Variants in AKAP7 observed in about 807,000 individuals in gnomAD.
AKAP7 encodes A kinase (PRKA) anchor protein 7.
Under a neutral mutation model 39.5 loss-of-function variants are expected in AKAP7, and 39 were observed. That is an observed-to-expected ratio of 0.99 (90% confidence interval 0.76 to 1.29). AKAP7 has a LOEUF of 1.29. AKAP7 is among the 50% of genes most tolerant of loss of function. The pLI, the probability that AKAP7 is intolerant of heterozygous loss-of-function variation, is 0.00. For missense variants in AKAP7, 414 were observed against 407.7 expected (o/e 1.02, Z -0.13); for synonymous variants, 140 against 139.1 (o/e 1.01, Z -0.05).
intron 1 of AKAP7, among the ~76,000 whole-genome samples, chr6:131,136,178 A>G (rs535605321): frequency 3.9e-5 from 6 of 152,300 alleles, no homozygotes; most frequent in African/African-American, 1.4e-4. Context: ...TATATCACAA[A>G]TATTAAGCAC....
At position 131,281,856 on chromosome 6, in the gene AKAP7, C is replaced by T; in HGVS notation, c.*130C>T. On this transcript the variant is annotated 3_prime_UTR_variant, in exon 8 of 8. Coordinates refer to ENST00000431975, the MANE Select transcript of AKAP7 (RefSeq NM_016377.4). This position sits in a 1 kb window ranked among gnomAD's most constrained non-coding sequence, Gnocchi z 4.0. ...TGCAATCTGTGAAGATTGCCTAATA[C>T]TTTTCATGATCGATGTGTTCGCATT... The T allele has an allele frequency of 1.5e-6, 2 of 1,300,756 alleles. No individual in the cohort carries two copies. The highest frequency in any genetic ancestry group is 5.7e-5 in the South Asian group (2 of 35,034). The allele number at this position is 1,300,756 out of a possible 1,614,324, so 80.6% of individuals were successfully genotyped here.
chr6:131,193,364 T>G (rs957005143), intron 5 of AKAP7, among the ~76,000 whole-genome samples: 1 of 152,218 alleles, frequency 6.6e-6, no homozygotes, highest in East Asian at 1.9e-4. Flanking sequence ...TCTGTTGATA[T>G]GATGTATCAC....
intron 1 of AKAP7, among the ~76,000 whole-genome samples, chr6:131,142,816 T>G (rs1300416857): frequency 6.6e-6 from 1 of 152,240 alleles, no homozygotes; most frequent in Non-Finnish European, 1.5e-5. Flanking sequence ...CCACAGGGGC[T>G]TCACCTTGCA....
intron 2 of AKAP7, among the ~76,000 whole-genome samples, chr6:131,156,794 A>C (rs1357843141): frequency 2.0e-5 from 3 of 148,764 alleles, no homozygotes; most frequent in Non-Finnish European, 3.0e-5. Context: ...TTTTTTTGAG[A>C]TGGAGTCTCA....
Position 131,282,733 on chromosome 6 carries a change from TA to T in AKAP7, c.*1008del. The T allele has an allele frequency of 1.5e-6, 1 of 682,466 alleles. No homozygotes were observed. Among genetic ancestry groups the T allele is most frequent in the Non-Finnish European group, 2.2e-6 (1 of 455,090 alleles). The allele number at this position is 682,466 out of a possible 1,614,324, so 42.3% of individuals were successfully genotyped here. A position where few individuals can be genotyped will look rare whatever the true frequency, so the allele number is the denominator to read the frequency against. ...AGCAAACCAACATTTGGTGAGGAAT[TA>T]GCAATTTCTTGCCAAAGAAAATTGA... On this transcript the variant is annotated 3_prime_UTR_variant, in exon 8 of 8. Coordinates refer to ENST00000431975, the MANE Select transcript of AKAP7 (RefSeq NM_016377.4).
At chr6:131,177,448 C>G (rs1166665228) in intron 5 of AKAP7, among the ~76,000 whole-genome samples, 1 of 152,078 alleles carries the variant, frequency 6.6e-6, no homozygotes, top group African/African-American at 2.4e-5. Flanking sequence ...TCTAGGAAGC[C>G]TAATTCACTT....
chr6:131,154,649 A>G (rs1484305962), intron 2 of AKAP7, among the ~76,000 whole-genome samples: 1 of 152,126 alleles, frequency 6.6e-6, no homozygotes, highest in Non-Finnish European at 1.5e-5. Flanking sequence ...AAAGGTAAAG[A>G]ATCTTTAAGA....
At chr6:131,175,054 A>G (rs1326757853) in intron 5 of AKAP7, among the ~76,000 whole-genome samples, 1 of 152,244 alleles carries the variant, frequency 6.6e-6, no homozygotes, top group Non-Finnish European at 1.5e-5. Context: ...TTATTAATAT[A>G]TACTATATTC....
At chr6:131,160,293 A>G (rs1025600773) in intron 3 of AKAP7, 95 bp downstream of exon 3, 2 of 1,321,968 alleles carry the variant, frequency 1.5e-6, no homozygotes, top group African/African-American at 3.0e-5. Flanking sequence ...TTAGCTTTTA[A>G]GAGTATTTGG....
intron 1 of AKAP7, among the ~76,000 whole-genome samples, chr6:131,141,148 CA>C (rs1800993130): frequency 6.6e-6 from 1 of 152,140 alleles, no homozygotes; most frequent in South Asian, 2.1e-4. Context: ...TTTGTCCCTT[CA>C]AATCTCATGC....
At chr6:131,171,679 G>A (rs971987419) in intron 5 of AKAP7, among the ~76,000 whole-genome samples, 20 of 152,332 alleles carry the variant, frequency 1.3e-4, no homozygotes, top group African/African-American at 4.8e-4. Context: ...TTTGGGATGA[G>A]TGCAGAAATT....
intron 7 of AKAP7, among the ~76,000 whole-genome samples, chr6:131,276,134 C>T (rs1814721496): frequency 1.3e-5 from 2 of 152,208 alleles, no homozygotes; most frequent in African/African-American, 4.8e-5. Flanking sequence ...ACATCATTTT[C>T]CTATTTATTC....
chr6:131,193,504 G>A (rs1427486331), intron 5 of AKAP7, among the ~76,000 whole-genome samples: 1 of 151,956 alleles, frequency 6.6e-6, no homozygotes, highest in Non-Finnish European at 1.5e-5. Context: ...CATAGATATT[G>A]GCCTGTAGTT....
chr6:131,173,126 G>A (rs113689535), intron 5 of AKAP7, among the ~76,000 whole-genome samples: 3,543 of 151,314 alleles, frequency 0.023, 131 homozygotes, highest in African/African-American at 0.079. Context: ...ACTTGAACCC[G>A]GGAGGCGGAG....
intron 5 of AKAP7, among the ~76,000 whole-genome samples, chr6:131,177,021 C>T (rs1363679203): frequency 6.6e-6 from 1 of 152,190 alleles, no homozygotes; most frequent in Non-Finnish European, 1.5e-5. Flanking sequence ...TTTGCATATG[C>T]CTCCAAGCAC....
intron 1 of AKAP7, among the ~76,000 whole-genome samples, chr6:131,137,003 T>G (rs1053784741): frequency 1.3e-5 from 2 of 152,202 alleles, no homozygotes; most frequent in African/African-American, 4.8e-5. Context: ...CTCTGTTGGC[T>G]CAGGTGGAAG....
In AKAP7 at chr6:131,161,644, C is replaced by CAAAAAAAAAAA. The variant is rs55744190; in HGVS notation, c.291+1476_291+1486dup. On this transcript the variant is annotated intron_variant, in intron 3 of 7. Coordinates refer to ENST00000431975, the MANE Select transcript of AKAP7 (RefSeq NM_016377.4). ...TGGGTGACAGAGCCAGACTGTATCT[C>CAAAAAAAAAAA]AAAAAAAAAAAAAAAAAAAAAAAAA... is the stretch of plus-strand genomic sequence containing the variant. Among the ~76,000 whole-genome samples, 22 of 33,624 alleles carry CAAAAAAAAAAA rather than the reference C, an allele frequency of 6.5e-4. 2 individuals carry two copies. Among genetic ancestry groups the CAAAAAAAAAAA allele is most frequent in the South Asian group, 4.3e-3 (2 of 470 alleles). The allele number at this position is 33,624 out of a possible 152,430, so 22.1% of individuals were successfully genotyped here.
At chr6:131,214,482 C>T (rs953682887) in intron 6 of AKAP7, among the ~76,000 whole-genome samples, 2 of 152,112 alleles carry the variant, frequency 1.3e-5, no homozygotes, top group Admixed American at 6.5e-5. Flanking sequence ...AGAAATATTA[C>T]ATATGGAAAT....
chr6:131,186,797 C>T (rs181742574), intron 5 of AKAP7, among the ~76,000 whole-genome samples: 32 of 147,200 alleles, frequency 2.2e-4, no homozygotes, highest in Admixed American at 1.9e-3. Context: ...ACAGTAATCC[C>T]ATTAATGAAG....
Sources: allele counts gnomAD v4.1 joint callset (sites outside exome capture counted in the v4.1 genomes callset), GRCh38; gene constraint gnomAD v4.1.1; non-coding constraint Gnocchi (gnomAD v3.1); transcripts MANE v1.5; gene names NCBI Gene and HGNC (gene_info 2026-07-23, HGNC 2026-07-21).